MSRB3: variants seen among roughly 807,000 people sequenced by gnomAD.
The protein encoded by MSRB3 is methionine sulfoxide reductase B3.
MSRB3 carries 13 observed loss-of-function variants against 21.0 expected under a neutral mutation model. That is an observed-to-expected ratio of 0.62 (90% CI 0.40 to 0.98). The LOEUF (loss-of-function observed/expected upper bound fraction) is 0.98, where lower values mean the gene tolerates loss of function less well. Among genes scored for constraint, MSRB3 ranks in the 50% least tolerant of loss-of-function variants. MSRB3 has a pLI of 0.00. For synonymous variants in MSRB3, 87 were observed against 88.6 expected (o/e 0.98, Z 0.10); for missense variants, 199 against 230.3 (o/e 0.86, Z 0.88).
intron 4 of MSRB3, among the ~76,000 whole-genome samples, chr12:65,365,864 G>A (rs983600384): frequency 2.6e-5 from 4 of 152,210 alleles, no homozygotes; most frequent in African/African-American, 9.7e-5. Flanking sequence ...TGCCAGGACA[G>A]TGGTAACTGG....
chr12:65,419,031 C>T (rs940657819), intron 5 of MSRB3: 2 of 709,056 alleles, frequency 2.8e-6, no homozygotes, highest in African/African-American at 1.7e-5. Flanking sequence ...TGTACCAGGC[C>T]TCCACCTCCC....
At chr12:65,347,279 TCTC>T (rs1354926566) in intron 4 of MSRB3, among the ~76,000 whole-genome samples, 1 of 152,156 alleles carries the variant, frequency 6.6e-6, no homozygotes, top group African/African-American at 2.4e-5. Context: ...GGTTTGTAGT[TCTC>T]CTTGAAGAGA....
chr12:65,346,575 A>C (rs1412723396), intron 4 of MSRB3, among the ~76,000 whole-genome samples: 1 of 151,954 alleles, frequency 6.6e-6, no homozygotes, highest in Non-Finnish European at 1.5e-5. Flanking sequence ...GCTGTGCAGA[A>C]GCTCTTTAGT....
chr12:65,295,252 G>A (rs1315470900), intron 1 of MSRB3, among the ~76,000 whole-genome samples: 1 of 152,174 alleles, frequency 6.6e-6, no homozygotes, highest in Non-Finnish European at 1.5e-5. Flanking sequence ...AAAAAATGCA[G>A]TAGCATTTGA....
At chr12:65,436,227 C>T (rs939378556) in intron 5 of MSRB3, among the ~76,000 whole-genome samples, 5 of 151,750 alleles carry the variant, frequency 3.3e-5, no homozygotes, top group African/African-American at 1.2e-4. Flanking sequence ...CACAGAAGTA[C>T]CTATAAGTTT....
chr12:65,298,098 G>A (rs761816205), intron 1 of MSRB3, among the ~76,000 whole-genome samples: 1 of 152,010 alleles, frequency 6.6e-6, no homozygotes, highest in Non-Finnish European at 1.5e-5. Context: ...TGATCTCCTG[G>A]GTTCAAGCAA....
Position 65,464,775 on chromosome 12 carries a change from C to T in MSRB3, c.*1453C>T, listed in dbSNP as rs971333859. 1 of 152,162 alleles carries T rather than the reference C, an allele frequency of 6.6e-6. No homozygotes were observed. The highest frequency in any genetic ancestry group is 2.4e-5 in the African/African-American group (1 of 41,424). 9.4% of individuals were successfully genotyped at this position (152,162 alleles called of 1,614,324 possible). A position where few individuals can be genotyped will look rare whatever the true frequency, so the allele number is the denominator to read the frequency against. ...AACAAACAGAATCCAAGTGGGGTGG[C>T]CCTTGTGCACAGAGCTCCAGGTGAC... On this transcript the variant is annotated 3_prime_UTR_variant, in exon 7 of 7. Coordinates refer to ENST00000308259, the MANE Select transcript of MSRB3 (RefSeq NM_001031679.3).
chr12:65,361,955 T>C (rs533169237), intron 4 of MSRB3, among the ~76,000 whole-genome samples: 27 of 152,290 alleles, frequency 1.8e-4, no homozygotes, highest in African/African-American at 6.5e-4. Flanking sequence ...ACCTTTTATT[T>C]AAATCATTAT....
chr12:65,392,325 T>C (rs933380404), intron 5 of MSRB3, among the ~76,000 whole-genome samples: 2 of 152,204 alleles, frequency 1.3e-5, no homozygotes, highest in African/African-American at 4.8e-5. Flanking sequence ...ATGTCTATTT[T>C]TTCTACCATT....
chr12:65,454,036 A>C (rs1321313325), intron 6 of MSRB3: 2 of 660,624 alleles, frequency 3.0e-6, no homozygotes, highest in East Asian at 5.4e-5. Context: ...GTAATCCCAT[A>C]CTTTGAGAGG....
At chr12:65,432,006 T>G (rs73121340) in intron 5 of MSRB3, among the ~76,000 whole-genome samples, 1,523 of 152,152 alleles carry the variant, frequency 0.01, 17 homozygotes, top group Non-Finnish European at 0.016. Flanking sequence ...TTCAGTATCT[T>G]TGGTTTCTTT....
intron 5 of MSRB3, among the ~76,000 whole-genome samples, chr12:65,450,062 G>A (rs1181448037): frequency 6.6e-6 from 1 of 152,042 alleles, no homozygotes; most frequent in South Asian, 2.1e-4. Context: ...ACTTGAAACA[G>A]ATTTATTAAG....
intron 5 of MSRB3, among the ~76,000 whole-genome samples, chr12:65,373,510 CAAAG>C (rs1565860923): frequency 6.6e-6 from 1 of 151,670 alleles, no homozygotes; most frequent in African/African-American, 2.4e-5. Context: ...ACATTCAAAA[CAAAG>C]ATTTTTTTTT....
chr12:65,325,318 C>A (rs1874943799), intron 2 of MSRB3, among the ~76,000 whole-genome samples: 1 of 152,116 alleles, frequency 6.6e-6, no homozygotes, highest in Non-Finnish European at 1.5e-5. Flanking sequence ...GATCAACATG[C>A]CATTAGTGAC....
At chr12:65,396,129 G>A (rs1285941455) in intron 5 of MSRB3, among the ~76,000 whole-genome samples, 3 of 152,028 alleles carry the variant, frequency 2.0e-5, no homozygotes, top group Non-Finnish European at 2.9e-5. Context: ...TCTCATAAAT[G>A]TATTCAATGC....
chr12:65,452,094 A>G (rs1264259893), intron 5 of MSRB3, among the ~76,000 whole-genome samples: 2 of 152,166 alleles, frequency 1.3e-5, no homozygotes, highest in African/African-American at 4.8e-5. Context: ...CCTATTTTGA[A>G]CTCTAGAAAT....
chr12:65,461,716 T>A (rs1883340568), intron 6 of MSRB3, among the ~76,000 whole-genome samples: 1 of 152,198 alleles, frequency 6.6e-6, no homozygotes, highest in African/African-American at 2.4e-5. Context: ...CAGTCCCTTG[T>A]GAATTCATAC....
chr12:65,279,412 C>T (rs1042022019), intron 1 of MSRB3: 1 of 152,108 alleles, frequency 6.6e-6, no homozygotes, highest in Admixed American at 6.5e-5. Flanking sequence ...GGGAGCGCAC[C>T]CGCCGCCCGC....
chr12:65,310,263 C>T (rs1873910311), intron 2 of MSRB3, among the ~76,000 whole-genome samples: 2 of 152,040 alleles, frequency 1.3e-5, no homozygotes, highest in African/African-American at 4.8e-5. Flanking sequence ...ATAAAGAGTA[C>T]TGGAGGAGTG....
Sources: gnomAD v4.1 joint callset for allele counts (sites outside exome capture counted in the v4.1 genomes callset) on GRCh38, gnomAD v4.1.1 for gene constraint, MANE v1.5 for transcripts, NCBI Gene and HGNC (gene_info 2026-07-23, HGNC 2026-07-21) for gene names.